The following GRB10 variants were observed in gnomAD, a reference collection of about 807,000 sequenced individuals.
The protein encoded by GRB10 is growth factor receptor bound protein 10.
In GRB10, 20 loss-of-function variants were observed where a neutral mutation model predicts 80.9. The ratio of observed to expected loss-of-function variants is 0.25; its 90% CI spans 0.17 to 0.36. GRB10 has a LOEUF of 0.36. Among genes scored for constraint, GRB10 ranks in the 10% least tolerant of loss-of-function variants. The probability of loss-of-function intolerance (pLI) is 1.00; values close to 1 mark genes in which losing one functional copy is unlikely to be tolerated. For synonymous variants in GRB10, 291 were observed against 291.5 expected (o/e 1.00, Z 0.02); for missense variants, 548 against 747.7 (o/e 0.73, Z 3.12).
At chr7:50,617,006 G>A (rs2050771410) in intron 10 of GRB10, among the ~76,000 whole-genome samples, 1 of 152,342 alleles carries the variant, frequency 6.6e-6, no homozygotes, top group East Asian at 1.9e-4. Flanking sequence ...GGTGGGAAAG[G>A]CACGTCGGAC....
chr7:50,763,987 C>G (rs2076061436), intron 2 of GRB10, among the ~76,000 whole-genome samples: 1 of 152,262 alleles, frequency 6.6e-6, no homozygotes, highest in Non-Finnish European at 1.5e-5. Context: ...TGCCTCCTCT[C>G]CAGGCTGCCC....
chr7:50,598,017 C>A (rs2046960961), intron 17 of GRB10, among the ~76,000 whole-genome samples: 1 of 138,786 alleles, frequency 7.2e-6, no homozygotes, highest in Admixed American at 6.9e-5. Flanking sequence ...GTGCCCGCCA[C>A]CACACCCAGC....
chr7:50,755,624 T>C lies in GRB10; in HGVS notation c.-47+263A>G, dbSNP rs12670620. The stretch of plus-strand genomic sequence containing the variant: ...CAGAGGCATGTCCGCGAGGAGAGTG[T>C]GCGCAGCCCGGCTCTGCTGCAGCCC... On this transcript the variant is annotated intron_variant, in intron 3 of 18. Coordinates refer to ENST00000401949, the MANE Select transcript of GRB10 (RefSeq NM_001350814.2). Among the ~76,000 whole-genome samples the C allele has an allele frequency of 3.4e-3, 513 of 152,050 alleles. 8 individuals carry two copies. Among genetic ancestry groups the C allele is most frequent in the Admixed American group, 0.022 (330 of 15,288 alleles).
intron 7 of GRB10, among the ~76,000 whole-genome samples, chr7:50,647,289 T>C (rs1025838894): frequency 1.2e-4 from 18 of 152,234 alleles, no homozygotes; most frequent in Non-Finnish European, 7.3e-5. Flanking sequence ...TAACATCTTT[T>C]TTTGAAAAAA....
intron 7 of GRB10, among the ~76,000 whole-genome samples, chr7:50,640,509 G>A (rs2056037047): frequency 6.6e-6 from 1 of 152,178 alleles, no homozygotes; most frequent in Non-Finnish European, 1.5e-5. Context: ...TCTTTAGAAG[G>A]TGCTGAACTT....
At chr7:50,766,224 T>C (rs1442955635) in intron 2 of GRB10, among the ~76,000 whole-genome samples, 2 of 152,230 alleles carry the variant, frequency 1.3e-5, no homozygotes, top group African/African-American at 4.8e-5. Flanking sequence ...GGGTCCCTTG[T>C]GATCCCCCTC....
intron 1 of GRB10, among the ~76,000 whole-genome samples, chr7:50,789,111 G>A (rs187417774): frequency 4.6e-5 from 7 of 152,196 alleles, no homozygotes; most frequent in South Asian, 2.1e-4. Flanking sequence ...AAACTGTCAC[G>A]CTAAACACAG....
chr7:50,664,880 T>C (rs996763833), intron 7 of GRB10, among the ~76,000 whole-genome samples: 8 of 152,226 alleles, frequency 5.3e-5, no homozygotes, highest in African/African-American at 1.9e-4. Context: ...TTACCACAAA[T>C]ATCCAGTTTC....
chr7:50,727,619 G>T (rs907475138), intron 4 of GRB10, among the ~76,000 whole-genome samples: 3 of 152,018 alleles, frequency 2.0e-5, no homozygotes, highest in Non-Finnish European at 4.4e-5. Context: ...TCAATGAAAA[G>T]TATTTTCCCA....
At chr7:50,640,779 T>C (rs1253352408) in intron 7 of GRB10, among the ~76,000 whole-genome samples, 1 of 152,236 alleles carries the variant, frequency 6.6e-6, no homozygotes, top group Non-Finnish European at 1.5e-5. Flanking sequence ...GCTGAAGTTT[T>C]TCCTAAATTG....
At position 50,721,298 on chromosome 7, in the gene GRB10, G is replaced by A. The variant is rs376054605; in HGVS notation, c.51+10974C>T. Among the ~76,000 whole-genome samples the A allele has an allele frequency of 6.6e-5, 10 of 152,152 alleles. No individual in the cohort carries two copies. The East Asian group carries it at 9.6e-4, about 15-fold the overall frequency. Reference sequence around the variant, plus strand: ...GAGTGATGAGATCCTGCACCAACCCGCTTTGTCCTGCCCAGGATGCGACTC... The same window carrying A: ...GAGTGATGAGATCCTGCACCAACCCACTTTGTCCTGCCCAGGATGCGACTC... On this transcript the variant is annotated intron_variant, in intron 4 of 18. Coordinates refer to ENST00000401949, the MANE Select transcript of GRB10 (RefSeq NM_001350814.2).
At chr7:50,729,558 G>C (rs2069264628) in intron 4 of GRB10, among the ~76,000 whole-genome samples, 1 of 152,172 alleles carries the variant, frequency 6.6e-6, no homozygotes. Context: ...CAGATGTGCA[G>C]GGCCCAGAGG....
intron 17 of GRB10, among the ~76,000 whole-genome samples, chr7:50,599,712 A>G (rs1004434761): frequency 2.0e-5 from 3 of 152,236 alleles, no homozygotes; most frequent in African/African-American, 7.2e-5. Flanking sequence ...CTATCGCTTT[A>G]CAGGTCTGGA....
intron 3 of GRB10, among the ~76,000 whole-genome samples, chr7:50,732,813 T>C (rs1039027643): frequency 6.6e-6 from 1 of 152,124 alleles, no homozygotes. Flanking sequence ...AGAACATCAT[T>C]TGAGTGAACA....
At chr7:50,606,474 C>G in intron 13 of GRB10, 60 bp from the exon 14 acceptor site, 1 of 1,182,666 alleles carries the variant, frequency 8.5e-7, no homozygotes, top group Non-Finnish European at 1.3e-6. Flanking sequence ...CGGCATGTGA[C>G]AAACGCCACA....
intron 4 of GRB10, chr7:50,729,492 G>A (rs2069248424): frequency 6.6e-6 from 1 of 152,156 alleles, no homozygotes. Context: ...ACATGGTTAA[G>A]AATTAAGAGT....
intron 14 of GRB10, 118 bp downstream of exon 14, chr7:50,606,219 T>A: frequency 1.2e-6 from 1 of 860,530 alleles, no homozygotes; most frequent in Non-Finnish European, 2.0e-6. Flanking sequence ...TTCCCTGAAA[T>A]GCACACACAC....
intron 4 of GRB10, among the ~76,000 whole-genome samples, chr7:50,712,079 CAAGGCTGAAA>C (rs2065980190): frequency 6.6e-6 from 1 of 151,622 alleles, no homozygotes; most frequent in African/African-American, 2.4e-5. Context: ...AGAAACTCCA[CAAGGCTGAAA>C]AAGGCTGAAA....
At chr7:50,628,600 A>C (rs1224296760) in intron 7 of GRB10, among the ~76,000 whole-genome samples, 4 of 151,992 alleles carry the variant, frequency 2.6e-5, no homozygotes, top group African/African-American at 9.7e-5. Flanking sequence ...GGGCTCAGCG[A>C]GAGCGGAAGA....
Sources: allele counts gnomAD v4.1 joint callset (sites outside exome capture counted in the v4.1 genomes callset), GRCh38; gene constraint gnomAD v4.1.1; transcripts MANE v1.5; gene names NCBI Gene and HGNC (gene_info 2026-07-23, HGNC 2026-07-21).